COBL: variants seen among roughly 807,000 people sequenced by gnomAD.
COBL encodes the protein cordon-bleu WH2 repeat protein.
A neutral mutation model predicts 98.8 loss-of-function variants in COBL; 51 were observed. The ratio of observed to expected loss-of-function variants is 0.52; its 90% CI spans 0.41 to 0.65. COBL has a LOEUF of 0.65. COBL is among the 30% of genes least tolerant of loss of function. The pLI is 0.00. For synonymous variants in COBL, 634 were observed against 651.7 expected, an observed-to-expected ratio of 0.97 and a Z score of 0.41; for missense variants, 1,617 against 1,617.5, an observed-to-expected ratio of 1.00 and a Z score of 0.01.
chr7:51,134,867 GT>G (rs553306000), intron 6 of COBL, among the ~76,000 whole-genome samples: 3 of 152,250 alleles, frequency 2.0e-5, no homozygotes, highest in Admixed American at 2.0e-4. Context: ...GGTACCATTT[GT>G]GCCTAAATTT....
intron 2 of COBL, among the ~76,000 whole-genome samples, chr7:51,198,250 C>A (rs1790780751): frequency 6.6e-6 from 1 of 152,134 alleles, no homozygotes; most frequent in South Asian, 2.1e-4. Context: ...GATCTTATTT[C>A]TCCTTTGCTT....
chr7:51,150,239 G>A (rs1431014436), intron 5 of COBL, among the ~76,000 whole-genome samples: 1 of 152,126 alleles, frequency 6.6e-6, no homozygotes, highest in Non-Finnish European at 1.5e-5. Flanking sequence ...CAACCTTCTG[G>A]TCCACTACAG....
chr7:51,078,966 AC>A (rs1401158110), intron 7 of COBL, among the ~76,000 whole-genome samples: 2 of 152,152 alleles, frequency 1.3e-5, no homozygotes, highest in Non-Finnish European at 2.9e-5. Flanking sequence ...CAAGATGGAG[AC>A]CACAGTCCTT....
intron 12 of COBL, chr7:51,022,860 T>G (rs1028094404): frequency 6.6e-6 from 1 of 152,220 alleles, no homozygotes; most frequent in Non-Finnish European, 1.5e-5. Flanking sequence ...TCAAATGAGA[T>G]AGACAATCGT....
chr7:51,031,817 C>T (rs2128875776), intron 8 of COBL: 1 of 152,346 alleles, frequency 6.6e-6, no homozygotes, highest in East Asian at 1.9e-4. Flanking sequence ...AGCTGTACTC[C>T]CTAGAATCTT....
At chr7:51,219,549 T>A (rs905156883) in intron 2 of COBL, among the ~76,000 whole-genome samples, 192 bp downstream of exon 2, 1 of 152,168 alleles carries the variant, frequency 6.6e-6, no homozygotes, top group Admixed American at 6.5e-5. Context: ...TCAATTAGCA[T>A]AAGCCCACCC....
chr7:51,167,336 T>C (rs959958600), intron 5 of COBL, among the ~76,000 whole-genome samples: 12 of 151,968 alleles, frequency 7.9e-5, no homozygotes, highest in African/African-American at 2.9e-4. Context: ...TAAAAAGTAA[T>C]CCCATTTACA....
intron 1 of COBL, among the ~76,000 whole-genome samples, chr7:51,305,469 G>A (rs1219758725): frequency 6.6e-6 from 1 of 152,170 alleles, no homozygotes; most frequent in Non-Finnish European, 1.5e-5. Flanking sequence ...CAGATCAACA[G>A]TTAAAATAAA....
chr7:51,232,924 G>A lies in COBL; in HGVS notation c.42-12980C>T, dbSNP rs570792391. Among the ~76,000 whole-genome samples, 5 of 152,324 alleles carry A rather than the reference G, an allele frequency of 3.3e-5. No homozygotes were observed. In the South Asian group the frequency reaches 1.0e-3, roughly 32 times the overall value. On this transcript the variant is annotated intron_variant, in intron 1 of 12. Coordinates refer to ENST00000265136, the MANE Select transcript of COBL (RefSeq NM_015198.5). Reference sequence around the variant, plus strand: ...CATGAACATCCACATCACATGAAAAGTACCAGAGACGCTGTGTGTTAGTTT... The same window carrying A: ...CATGAACATCCACATCACATGAAAAATACCAGAGACGCTGTGTGTTAGTTT...
intron 1 of COBL, among the ~76,000 whole-genome samples, chr7:51,245,061 C>T (rs1003022093): frequency 2.0e-5 from 3 of 152,154 alleles, no homozygotes; most frequent in African/African-American, 7.2e-5. Flanking sequence ...GAGCCCTACA[C>T]CCAATGTCCC....
chr7:51,207,987 G>C, intron 2 of COBL, among the ~76,000 whole-genome samples: 1 of 143,302 alleles, frequency 7.0e-6, no homozygotes, highest in Non-Finnish European at 1.5e-5. Flanking sequence ...GAAGTGAGGA[G>C]AGCCTCTTCC....
chr7:51,288,303 A>AG (rs1260118856), intron 1 of COBL, among the ~76,000 whole-genome samples: 1 of 150,332 alleles, frequency 6.7e-6, no homozygotes, highest in African/African-American at 2.5e-5. Flanking sequence ...GCATGGTGGC[A>AG]GGCGCCTGTA....
In COBL at chr7:51,316,594, C is replaced by G. The variant is rs1803628753; in HGVS notation, c.40G>C (p.Gly14Arg). ...PRASAAKPPT[G>R]RKMKARAPPP... is the part of the protein sequence containing the mutation. ...CCGCCCGACCGCGGGGCCGCTTACCCGGTCGGGGGCTTGGCCGCCGAGGCG... is the reference window on the plus strand; with the variant it reads ...CCGCCCGACCGCGGGGCCGCTTACCGGGTCGGGGGCTTGGCCGCCGAGGCG... The change falls in exon 1 of 13, where the codon GGG (glycine) becomes CGG (arginine). Residue 14 changes from glycine (G) to arginine (R), a missense_variant and splice_region_variant. Transcript: ENST00000265136. 7 of 1,207,054 alleles carry G rather than the reference C, an allele frequency of 5.8e-6. No individual in the cohort carries two copies. The highest frequency in any genetic ancestry group is 8.2e-5 in the South Asian group (2 of 24,412). 74.8% of individuals were successfully genotyped at this position (1,207,054 alleles called of 1,614,324 possible). A position where few individuals can be genotyped will look rare whatever the true frequency, so the allele number is the denominator to read the frequency against.
intron 11 of COBL, 28 bp downstream of exon 11, chr7:51,026,518 G>C: frequency 6.2e-7 from 1 of 1,608,906 alleles, no homozygotes. Flanking sequence ...TGAGCTCCTG[G>C]CGCCATGGAA....
chr7:51,056,812 AACACACACACACACACACACACAC>A (rs3047115), intron 7 of COBL, among the ~76,000 whole-genome samples: 1 of 143,574 alleles, frequency 7.0e-6, no homozygotes, highest in Admixed American at 7.0e-5. Flanking sequence ...GTGCTCTCCC[AACACACACACACACACACACACAC>A]ACACACACAC....
intron 5 of COBL, among the ~76,000 whole-genome samples, chr7:51,183,866 G>A (rs1352377508): frequency 6.6e-6 from 1 of 152,234 alleles, no homozygotes; most frequent in Non-Finnish European, 1.5e-5. Context: ...GAGCCCACAG[G>A]CTTCCTGTCC....
At chr7:51,171,164 T>A (rs1202822780) in intron 5 of COBL, among the ~76,000 whole-genome samples, 3 of 152,168 alleles carry the variant, frequency 2.0e-5, no homozygotes, top group Non-Finnish European at 4.4e-5. Flanking sequence ...ATTTTATAAG[T>A]CTTAATAAGG....
At chr7:51,237,095 C>T (rs969083755) in intron 1 of COBL, among the ~76,000 whole-genome samples, 4 of 152,304 alleles carry the variant, frequency 2.6e-5, no homozygotes, top group Middle Eastern at 3.4e-3. Flanking sequence ...AATGATGAAG[C>T]GAAATGCCCA....
At chr7:51,044,058 T>A (rs191089989) in intron 7 of COBL, among the ~76,000 whole-genome samples, 10 of 152,332 alleles carry the variant, frequency 6.6e-5, no homozygotes, top group South Asian at 4.1e-4. Flanking sequence ...TAATGTGAGA[T>A]CTTTAGAAAA....
Sources: gnomAD v4.1 joint callset for allele counts (sites outside exome capture counted in the v4.1 genomes callset) on GRCh38, gnomAD v4.1.1 for gene constraint, MANE v1.5 for transcripts, NCBI Gene and HGNC (gene_info 2026-07-23, HGNC 2026-07-21) for gene names.